Variants in KCTD8 observed in about 807,000 individuals in gnomAD.
KCTD8 encodes the protein potassium channel tetramerization domain containing 8.
A neutral mutation model predicts 31.5 loss-of-function variants in KCTD8; 27 were observed. The observed-to-expected ratio is 0.86, with a 90% CI of 0.63 to 1.18. The LOEUF is 1.18. Ranked by LOEUF, KCTD8 falls within the 50% of genes most tolerant of loss-of-function variation. The probability of loss-of-function intolerance (pLI) is 0.00; values close to 1 mark genes in which losing one functional copy is unlikely to be tolerated. For missense variants in KCTD8, 658 were observed against 647.7 expected, an observed-to-expected ratio of 1.02 and a Z score of -0.17; for synonymous variants, 290 against 280.0, an observed-to-expected ratio of 1.04 and a Z score of -0.36.
At chr4:44,379,285 A>C (rs1286761877) in intron 1 of KCTD8, among the ~76,000 whole-genome samples, 1 of 152,138 alleles carries the variant, frequency 6.6e-6, no homozygotes, top group African/African-American at 2.4e-5. Flanking sequence ...TGAATGTAAA[A>C]GTTACTTACA....
chr4:44,363,359 T>A (rs1719549718), intron 1 of KCTD8, among the ~76,000 whole-genome samples: 1 of 152,156 alleles, frequency 6.6e-6, no homozygotes, highest in Non-Finnish European at 1.5e-5. Context: ...CAAATTGTAA[T>A]ACTGGGACTA....
intron 1 of KCTD8, among the ~76,000 whole-genome samples, chr4:44,292,922 TAG>T (rs1214405554): frequency 2.0e-5 from 3 of 152,132 alleles, no homozygotes; most frequent in African/African-American, 7.2e-5. Context: ...TTTGTTTACA[TAG>T]AGACTGTAGG....
At chr4:44,375,118 T>C (rs1719887103) in intron 1 of KCTD8, among the ~76,000 whole-genome samples, 1 of 152,148 alleles carries the variant, frequency 6.6e-6, no homozygotes, top group South Asian at 2.1e-4. Flanking sequence ...AATTAGAAAG[T>C]TAAGCATTGT....
intron 1 of KCTD8, among the ~76,000 whole-genome samples, chr4:44,317,272 G>A (rs1425557509): frequency 6.0e-5 from 4 of 66,354 alleles, no homozygotes; most frequent in Non-Finnish European, 8.1e-5. Flanking sequence ...TCGCTCTGTC[G>A]CCCAGGCCGG....
At chr4:44,252,193 T>C (rs1246219418) in intron 1 of KCTD8, among the ~76,000 whole-genome samples, 1 of 151,834 alleles carries the variant, frequency 6.6e-6, no homozygotes, top group East Asian at 1.9e-4. Context: ...CATTACTTCA[T>C]TCCTTTTTAT....
rs143257877 is a variant in KCTD8 at position 44,249,507 on chromosome 4, T to G, written c.962-74257A>C. ...GAATTTTCAGGCCATAAGGTCTCAG[T>G]CACAATTATTGAATTCTGCCATTAA... On this transcript the variant is annotated intron_variant, in intron 1 of 1. Coordinates refer to ENST00000360029, the MANE Select transcript of KCTD8 (RefSeq NM_198353.3). Among the ~76,000 whole-genome samples the G allele has an allele frequency of 6.1e-3, 928 of 151,940 alleles. 13 individuals carry two copies. The highest frequency in any genetic ancestry group is 0.021 in the African/African-American group (865 of 41,498).
intron 1 of KCTD8, among the ~76,000 whole-genome samples, chr4:44,197,154 G>T (rs1269356917): frequency 6.6e-6 from 1 of 152,098 alleles, no homozygotes; most frequent in African/African-American, 2.4e-5. Context: ...GGCCTGACAG[G>T]ACTCATTGGT....
chr4:44,367,895 G>A (rs1479816090), intron 1 of KCTD8, among the ~76,000 whole-genome samples: 1 of 150,210 alleles, frequency 6.7e-6, no homozygotes, highest in South Asian at 2.1e-4. Flanking sequence ...AAAATGAATC[G>A]ACAGAGTAAA....
chr4:44,374,706 G>C (rs1221000402), intron 1 of KCTD8, among the ~76,000 whole-genome samples: 2 of 152,034 alleles, frequency 1.3e-5, no homozygotes, highest in Non-Finnish European at 2.9e-5. Context: ...TGAGAGATGT[G>C]GGGGGAGGCT....
At chr4:44,232,286 C>T (rs959722788) in intron 1 of KCTD8, among the ~76,000 whole-genome samples, 9 of 152,076 alleles carry the variant, frequency 5.9e-5, no homozygotes, top group African/African-American at 2.2e-4. Context: ...TTTTCAAGAT[C>T]CTGTGTTTAT....
At chr4:44,207,023 A>G (rs1714335452) in intron 1 of KCTD8, among the ~76,000 whole-genome samples, 1 of 152,216 alleles carries the variant, frequency 6.6e-6, no homozygotes, top group South Asian at 2.1e-4. Flanking sequence ...TTTGTGGCCA[A>G]GTATCAGATA....
chr4:44,330,935 A>C (rs1718576985), intron 1 of KCTD8, among the ~76,000 whole-genome samples: 1 of 151,846 alleles, frequency 6.6e-6, no homozygotes, highest in Non-Finnish European at 1.5e-5. Context: ...GATATGAGGC[A>C]TACCACATTG....
intron 1 of KCTD8, among the ~76,000 whole-genome samples, chr4:44,178,405 T>C (rs1384741793): frequency 3.3e-5 from 5 of 152,114 alleles, no homozygotes; most frequent in Admixed American, 2.6e-4. Flanking sequence ...GTTACCTTTA[T>C]GGCTGAATGT....
intron 1 of KCTD8, among the ~76,000 whole-genome samples, chr4:44,319,483 C>T (rs1049685770): frequency 6.7e-6 from 1 of 150,032 alleles, no homozygotes; most frequent in African/African-American, 2.4e-5. Flanking sequence ...AAATGCAACA[C>T]AGGGCAAAAA....
intron 1 of KCTD8, among the ~76,000 whole-genome samples, chr4:44,330,979 T>C (rs1300268297): frequency 6.6e-5 from 10 of 151,772 alleles, no homozygotes; most frequent in Admixed American, 6.6e-4. Context: ...TAATCAGTTG[T>C]TATTAAGGCA....
At chr4:44,442,873 T>C (rs1023309329) in intron 1 of KCTD8, among the ~76,000 whole-genome samples, 8 of 151,996 alleles carry the variant, frequency 5.3e-5, no homozygotes, top group Admixed American at 3.3e-4. Flanking sequence ...ACTCAGTTTT[T>C]CAGCTTCATT....
intron 1 of KCTD8, among the ~76,000 whole-genome samples, chr4:44,351,384 G>A (rs1719190530): frequency 6.6e-6 from 1 of 152,190 alleles, no homozygotes; most frequent in African/African-American, 2.4e-5. Context: ...AAGAATTTTT[G>A]TGCATTAAAA....
At chr4:44,242,623 T>C (rs538131297) in intron 1 of KCTD8, among the ~76,000 whole-genome samples, 16 of 151,926 alleles carry the variant, frequency 1.1e-4, no homozygotes, top group Non-Finnish European at 2.2e-4. Context: ...AAAAAACTTG[T>C]TGATATAGTT....
chr4:44,312,163 A>C (rs1717973010), intron 1 of KCTD8, among the ~76,000 whole-genome samples: 1 of 152,114 alleles, frequency 6.6e-6, no homozygotes, highest in Non-Finnish European at 1.5e-5. Context: ...AAGGTTTTTC[A>C]GATGATATAT....
Sources: gnomAD v4.1 joint callset for allele counts (sites outside exome capture counted in the v4.1 genomes callset) on GRCh38, gnomAD v4.1.1 for gene constraint, MANE v1.5 for transcripts, NCBI Gene and HGNC (gene_info 2026-07-23, HGNC 2026-07-21) for gene names.